TMLHE: variants seen among roughly 807,000 people sequenced by gnomAD.
TMLHE encodes trimethyllysine dioxygenase, mitochondrial.
A neutral mutation model predicts 25.7 loss-of-function variants in TMLHE; 18 were observed. That is an observed-to-expected ratio of 0.70 (90% CI 0.48 to 1.04). TMLHE has a LOEUF of 1.04. Among genes scored for constraint, TMLHE ranks in the 50% least tolerant of loss-of-function variants. The pLI, the probability that TMLHE is intolerant of heterozygous loss-of-function variation, is 0.00. For missense variants in TMLHE, 236 were observed against 259.0 expected (o/e 0.91, Z 0.61); for synonymous variants, 105 against 97.0 (o/e 1.08, Z -0.49).
intron 4 of TMLHE, 121 bp from the exon 5 acceptor site, chrX:155,511,913 G>C (rs2067116066): frequency 2.8e-6 from 2 of 718,615 alleles, no homozygotes; most frequent in Non-Finnish European, 3.9e-6. Context: ...TTTGGTTCCA[G>C]AATTTAATCC....
intron 2 of TMLHE, among the ~76,000 whole-genome samples, chrX:155,537,253 C>T (rs1047418795): frequency 1.8e-5 from 2 of 111,744 alleles, no homozygotes; most frequent in African/African-American, 6.5e-5. Context: ...ATAGTTACCT[C>T]CTCGCTTCTC....
intron 1 of TMLHE, among the ~76,000 whole-genome samples, chrX:155,588,428 GT>G (rs1216348770): frequency 9.0e-6 from 1 of 111,609 alleles, no homozygotes; most frequent in Admixed American, 9.5e-5. Flanking sequence ...ATTGGTCTAG[GT>G]AAAGATTTCA....
intron 3 of TMLHE, among the ~76,000 whole-genome samples, chrX:155,514,745 C>A (rs1346695209): frequency 1.8e-5 from 2 of 111,396 alleles, no homozygotes; most frequent in Admixed American, 1.9e-4. Context: ...ATAGGTGGAA[C>A]TAGAACCCCA....
intron 1 of TMLHE, among the ~76,000 whole-genome samples, chrX:155,548,311 C>T (rs1040589924): frequency 8.9e-6 from 1 of 111,911 alleles, no homozygotes; most frequent in Non-Finnish European, 1.9e-5. Flanking sequence ...AAGGGACAAC[C>T]TGGAGAATGG....
At chrX:155,538,184 C>A (rs782041691) in intron 2 of TMLHE, among the ~76,000 whole-genome samples, 1 of 111,529 alleles carries the variant, frequency 9.0e-6, no homozygotes, top group African/African-American at 3.3e-5. Flanking sequence ...TCTATGAGAT[C>A]AAATTTTTTA....
Position 155,573,217 on chromosome X carries a change from C to A in TMLHE, c.-1-27940G>T, listed in dbSNP as rs782178251. Among the ~76,000 whole-genome samples, 7 of 58,046 alleles carry A rather than the reference C, an allele frequency of 1.2e-4. 2 individuals carry two copies. The highest frequency in any genetic ancestry group is 2.0e-3 in the South Asian group (2 of 1,007). The allele number at this position is 58,046 out of a possible 115,157, so 50.4% of individuals were successfully genotyped here. A position where few individuals can be genotyped will look rare whatever the true frequency, so the allele number is the denominator to read the frequency against. On this transcript the variant is annotated intron_variant, in intron 1 of 7. Coordinates refer to ENST00000334398, the MANE Select transcript of TMLHE (RefSeq NM_018196.4). The stretch of plus-strand genomic sequence containing the variant: ...CAAAAGAAGACATTTATGCAGCCAA[C>A]AGACACATGAAAAAATGCTCACCAT...
At chrX:155,574,085 A>C (rs2067575361) in intron 1 of TMLHE, among the ~76,000 whole-genome samples, 1 of 108,289 alleles carries the variant, frequency 9.2e-6, no homozygotes, top group African/African-American at 3.6e-5. Context: ...ATCAGTGGCA[A>C]GCAATCAAGG....
chrX:155,543,260 T>G (rs2067323562), intron 2 of TMLHE, among the ~76,000 whole-genome samples: 1 of 111,426 alleles, frequency 9.0e-6, no homozygotes, highest in Non-Finnish European at 1.9e-5. Context: ...GAGATGAAAT[T>G]GTCTCTGTTC....
chrX:155,538,683 CAT>C (rs2067294139), intron 2 of TMLHE, among the ~76,000 whole-genome samples: 1 of 111,657 alleles, frequency 9.0e-6, no homozygotes, highest in African/African-American at 3.3e-5. Flanking sequence ...CATCTGTGCC[CAT>C]ATATTCCACC....
chrX:155,513,797 A>G (rs1557334191), intron 4 of TMLHE, among the ~76,000 whole-genome samples, 189 bp downstream of exon 4: 1 of 111,553 alleles, frequency 9.0e-6, no homozygotes, highest in Non-Finnish European at 1.9e-5. Context: ...TATATTTTAC[A>G]CATAAGTGTA....
chrX:155,612,328 A>T (rs2067828558), intron 1 of TMLHE: 1 of 111,923 alleles, frequency 8.9e-6, no homozygotes, highest in Non-Finnish European at 1.9e-5. Flanking sequence ...AAAGTGCTGC[A>T]AGATCTTGCA....
chrX:155,515,647 A>AT (rs1292096857), intron 3 of TMLHE, among the ~76,000 whole-genome samples: 3 of 111,560 alleles, frequency 2.7e-5, no homozygotes, highest in African/African-American at 6.5e-5. Context: ...TTTAAAATAT[A>AT]TTTTTTTCTA....
intron 1 of TMLHE, among the ~76,000 whole-genome samples, chrX:155,548,700 A>C (rs1449306722): frequency 2.8e-5 from 3 of 106,804 alleles, no homozygotes; most frequent in Non-Finnish European, 5.8e-5. Context: ...GTGCCACTGC[A>C]CTCCAGCCTG....
At chrX:155,527,371 T>C (rs1251345779) in intron 2 of TMLHE, among the ~76,000 whole-genome samples, 1 of 111,922 alleles carries the variant, frequency 8.9e-6, no homozygotes, top group Non-Finnish European at 1.9e-5. Flanking sequence ...CTTTACCTTC[T>C]ACCAAGATTG....
chrX:155,595,579 GATAA>G, intron 1 of TMLHE, among the ~76,000 whole-genome samples: 2 of 112,241 alleles, frequency 1.8e-5, no homozygotes, highest in Middle Eastern at 9.3e-3. Context: ...ACCATTTCAA[GATAA>G]ATAAACCCAG....
rs375770269 is a variant in TMLHE, at chrX:155,568,052, C to T, written c.-1-22775G>A. 1.6e-4 allele frequency among the ~76,000 whole-genome samples: 10 copies of T among 61,397 alleles called. 3 individuals are homozygous for T. In the East Asian group the frequency reaches 2.2e-3, roughly 14 times the overall value. The allele number at this position is 61,397 out of a possible 115,157, so 53.3% of individuals were successfully genotyped here. A position where few individuals can be genotyped will look rare whatever the true frequency, so the allele number is the denominator to read the frequency against. ...GCGAGGCATTGCCTCACTCAGGAAG[C>T]GCAAGGGGTCAGGGAGTTCCCTTTC... On this transcript the variant is annotated intron_variant, in intron 1 of 7. Coordinates refer to ENST00000334398, the MANE Select transcript of TMLHE (RefSeq NM_018196.4).
In TMLHE at chrX:155,570,715, A is replaced by G; in HGVS notation, c.-1-25438T>C. Reference sequence around the variant, plus strand: ...AACCGCTCAACTACATGGAGACTGAACAACCTGCTCCTGAATGACTACTGG... The same window carrying G: ...AACCGCTCAACTACATGGAGACTGAGCAACCTGCTCCTGAATGACTACTGG... On this transcript the variant is annotated intron_variant, in intron 1 of 7. Coordinates refer to ENST00000334398, the MANE Select transcript of TMLHE (RefSeq NM_018196.4). Among the ~76,000 whole-genome samples, 2 of 57,461 alleles carry G rather than the reference A, an allele frequency of 3.5e-5. 1 individual carries two copies. Among genetic ancestry groups the G allele is most frequent in the Non-Finnish European group, 9.1e-5 (2 of 22,056 alleles). 49.9% of individuals were successfully genotyped at this position (57,461 alleles called of 115,157 possible). A position where few individuals can be genotyped will look rare whatever the true frequency, so the allele number is the denominator to read the frequency against.
chrX:155,546,754 C>G (rs949006900), intron 1 of TMLHE, among the ~76,000 whole-genome samples: 5 of 111,567 alleles, frequency 4.5e-5, no homozygotes, highest in Non-Finnish European at 9.4e-5. Flanking sequence ...ACAGAAACTC[C>G]TCTGCTGATA....
chrX:155,596,157 T>C (rs2067719075), intron 1 of TMLHE, among the ~76,000 whole-genome samples: 1 of 111,948 alleles, frequency 8.9e-6, no homozygotes, highest in Non-Finnish European at 1.9e-5. Flanking sequence ...ATTTTCCTTA[T>C]CTATAAAACT....
Sources: allele counts gnomAD v4.1 joint callset (sites outside exome capture counted in the v4.1 genomes callset), GRCh38; gene constraint gnomAD v4.1.1; transcripts MANE v1.5; gene names NCBI Gene and HGNC (gene_info 2026-07-23, HGNC 2026-07-21).